The following B3GALT1 variants were observed in gnomAD, a reference collection of about 807,000 sequenced individuals.
B3GALT1 encodes beta-1,3-galactosyltransferase 1, also known as UDP-Gal:betaGlcNAc beta 1,3-galactosyltransferase, polypeptide 1.
In B3GALT1, 10 loss-of-function variants were observed where a neutral mutation model predicts 23.2. The ratio of observed to expected loss-of-function variants is 0.43; its 90% confidence interval spans 0.27 to 0.73. B3GALT1 has a LOEUF of 0.73. Ranked by LOEUF, B3GALT1 falls within the 30% of genes least tolerant of loss-of-function variation. The pLI, the probability that B3GALT1 is intolerant of heterozygous loss-of-function variation, is 0.21. For missense variants in B3GALT1, 299 were observed against 405.4 expected (o/e 0.74, Z 2.25); for synonymous variants, 156 against 141.5 (o/e 1.10, Z -0.73).
At chr2:167,866,974 T>G (rs904020690) in intron 4 of B3GALT1, among the ~76,000 whole-genome samples, 4 of 152,080 alleles carry the variant, frequency 2.6e-5, no homozygotes, top group African/African-American at 4.8e-5. Flanking sequence ...TCGCCCAGGC[T>G]GGAGTGCAGT....
intron 2 of B3GALT1, among the ~76,000 whole-genome samples, chr2:167,575,073 A>C (rs1227148): frequency 0.48 from 72,553 of 151,568 alleles, 19,581 homozygotes; most frequent in East Asian, 0.9. Context: ...AAAGTAGCTT[A>C]CTTCTCTTTA....
chr2:167,578,707 GA>G (rs1195774206), intron 2 of B3GALT1, among the ~76,000 whole-genome samples: 4 of 151,826 alleles, frequency 2.6e-5, no homozygotes, highest in African/African-American at 7.3e-5. Flanking sequence ...TACAGGTAAA[GA>G]AACAAAAATA....
intron 4 of B3GALT1, among the ~76,000 whole-genome samples, chr2:167,838,598 A>G (rs1402912949): frequency 2.6e-5 from 4 of 152,296 alleles, no homozygotes; most frequent in African/African-American, 4.8e-5. Context: ...TACCAGAGGT[A>G]CAAGGAGGAA....
chr2:167,661,253 C>G (rs993185049), intron 3 of B3GALT1, among the ~76,000 whole-genome samples: 3 of 152,038 alleles, frequency 2.0e-5, no homozygotes, highest in Admixed American at 6.6e-5. Context: ...ATTGAAGATG[C>G]TTTTATAGCT....
chr2:167,520,982 T>C (rs1206598077), intron 2 of B3GALT1, among the ~76,000 whole-genome samples: 2 of 142,648 alleles, frequency 1.4e-5, no homozygotes, highest in Admixed American at 7.1e-5. Context: ...CAAGATTAAC[T>C]TTTTTTTTTT....
At chr2:167,607,357 T>C (rs1449641894) in intron 2 of B3GALT1, among the ~76,000 whole-genome samples, 1 of 152,182 alleles carries the variant, frequency 6.6e-6, no homozygotes, top group Non-Finnish European at 1.5e-5. Context: ...TCTTTTGTTT[T>C]ATGCAAGAAG....
chr2:167,800,442 C>G (rs1481918731), intron 3 of B3GALT1, among the ~76,000 whole-genome samples: 1 of 152,150 alleles, frequency 6.6e-6, no homozygotes, highest in African/African-American at 2.4e-5. Flanking sequence ...ATCATTCTAC[C>G]CTGTTCACAA....
At chr2:167,389,925 CAAAAAA>C (rs751630307) in intron 1 of B3GALT1, among the ~76,000 whole-genome samples, 4 of 105,464 alleles carry the variant, frequency 3.8e-5, no homozygotes, top group African/African-American at 1.3e-4. Context: ...AAAAAAAAAA[CAAAAAA>C]AAAAAAGAAA....
chr2:167,605,915 T>C (rs1359419870), intron 2 of B3GALT1, among the ~76,000 whole-genome samples: 1 of 152,176 alleles, frequency 6.6e-6, no homozygotes, highest in African/African-American at 2.4e-5. Context: ...TCTATCTCCA[T>C]TGCCCAAATA....
At chr2:167,772,947 A>G (rs1232372330) in intron 3 of B3GALT1, among the ~76,000 whole-genome samples, 1 of 152,220 alleles carries the variant, frequency 6.6e-6, no homozygotes, top group Non-Finnish European at 1.5e-5. Flanking sequence ...AGGGATCTGA[A>G]GCCTCTAATA....
chr2:167,869,988 G>T lies in B3GALT1; in HGVS notation c.949G>T (p.Asp317Tyr). The T allele has an allele frequency of 6.2e-7, 1 of 1,606,088 alleles. No homozygotes were observed. Among genetic ancestry groups the T allele is most frequent in the South Asian group, 1.1e-5 (1 of 90,722 alleles). ...AGAAGAAATGCACAGAATCTGGAAT[G>T]ACATGTCAAGCAAGAAACATCTCAG... is the stretch of plus-strand genomic sequence containing the variant. The part of the protein sequence containing the change: ...SPEEMHRIWN[D>Y]MSSKKHLRC Residue 317 changes from aspartate (D) to tyrosine (Y), a missense_variant, in exon 5 of 5, where the codon GAC (aspartate) becomes TAC (tyrosine). Transcript: ENST00000392690. This position sits in a 1 kb window ranked among gnomAD's most constrained non-coding sequence, Gnocchi z 6.4.
At chr2:167,359,864 A>T (rs187703676) in intron 1 of B3GALT1, among the ~76,000 whole-genome samples, 16 of 152,204 alleles carry the variant, frequency 1.1e-4, no homozygotes, top group Admixed American at 6.5e-4. Flanking sequence ...AAACTATAAG[A>T]AGTAGTGTTA....
intron 2 of B3GALT1, among the ~76,000 whole-genome samples, chr2:167,571,072 C>G (rs1684285865): frequency 6.6e-6 from 1 of 151,936 alleles, no homozygotes; most frequent in South Asian, 2.1e-4. Flanking sequence ...GAGATTCTAT[C>G]TTCAAGAAAC....
intron 3 of B3GALT1, among the ~76,000 whole-genome samples, chr2:167,674,733 A>G (rs1026505286): frequency 6.6e-6 from 1 of 152,216 alleles, no homozygotes; most frequent in Non-Finnish European, 1.5e-5. Context: ...CAGGGAAGAA[A>G]AATCAAGCTT....
At chr2:167,424,743 C>A (rs1000639543) in intron 1 of B3GALT1, among the ~76,000 whole-genome samples, 8 of 152,124 alleles carry the variant, frequency 5.3e-5, no homozygotes, top group African/African-American at 1.4e-4. Flanking sequence ...AATAGCCATT[C>A]CCTTTTATAG....
At chr2:167,450,654 C>G (rs1340819514) in intron 1 of B3GALT1, among the ~76,000 whole-genome samples, 1 of 152,166 alleles carries the variant, frequency 6.6e-6, no homozygotes, top group African/African-American at 2.4e-5. Context: ...CTTTAGATAA[C>G]CAGATGAGAA....
intron 3 of B3GALT1, among the ~76,000 whole-genome samples, chr2:167,739,022 A>G (rs1273729404): frequency 6.6e-6 from 1 of 152,012 alleles, no homozygotes; most frequent in East Asian, 1.9e-4. Flanking sequence ...CCTACCCTAC[A>G]TTTCAGTTTT....
intron 1 of B3GALT1, among the ~76,000 whole-genome samples, chr2:167,417,052 T>C (rs984010692): frequency 1.3e-5 from 2 of 152,072 alleles, no homozygotes; most frequent in Non-Finnish European, 2.9e-5. Context: ...GCTATGGGGA[T>C]GGAATGAATA....
intron 4 of B3GALT1, among the ~76,000 whole-genome samples, chr2:167,821,431 C>CT (rs10573752): frequency 0.057 from 6,220 of 108,648 alleles, 526 homozygotes; most frequent in African/African-American, 0.16. Flanking sequence ...AAGGAAGGTA[C>CT]TTTTTTTTTT....
Sources: allele counts gnomAD v4.1 joint callset (sites outside exome capture counted in the v4.1 genomes callset), GRCh38; gene constraint gnomAD v4.1.1; non-coding constraint Gnocchi (gnomAD v3.1); transcripts MANE v1.5; gene names NCBI Gene and HGNC (gene_info 2026-07-23, HGNC 2026-07-21).